The following ZNF461 variants were observed in gnomAD, a reference collection of about 807,000 sequenced individuals.
ZNF461 encodes gonadotropin-inducible ovarian transcription factor-1.
In ZNF461, 16 loss-of-function variants were observed where a neutral mutation model predicts 18.3. The ratio of observed to expected loss-of-function variants is 0.88; its 90% CI spans 0.59 to 1.33. ZNF461 has a LOEUF of 1.33. Ranked by LOEUF, ZNF461 falls within the 40% of genes most tolerant of loss-of-function variation. The probability of loss-of-function intolerance (pLI) is 0.00; values close to 1 mark genes in which losing one functional copy is unlikely to be tolerated. For missense variants in ZNF461, 595 were observed against 669.9 expected (o/e 0.89, Z 1.23); for synonymous variants, 179 against 216.9 (o/e 0.83, Z 1.54).
intron 3 of ZNF461, 21 bp downstream of exon 3, chr19:36,658,278 T>C: frequency 1.3e-6 from 2 of 1,593,640 alleles, no homozygotes; most frequent in Non-Finnish European, 8.5e-7. Context: ...TGTCAGGTTC[T>C]TAATTTTTAG....
intron 4 of ZNF461, 51 bp from the exon 5 acceptor site, chr19:36,643,913 A>G: frequency 1.5e-6 from 2 of 1,318,272 alleles, no homozygotes; most frequent in Non-Finnish European, 2.0e-6. Flanking sequence ...ATATTTTATT[A>G]TACAATAAAA....
Position 36,638,654 on chromosome 19 carries a change from CATG to C in ZNF461, c.1688_1690del (p.Ser563del), listed in dbSNP as rs2037342867. The C allele has an allele frequency of 1.9e-6, 3 of 1,581,836 alleles. No individual in the cohort carries two copies. Among genetic ancestry groups the C allele is most frequent in the Non-Finnish European group, 2.6e-6 (3 of 1,163,604 alleles). The stretch of plus-strand genomic sequence containing the variant: ...AATGTATATTTCCATCAACAAATTT[CATG>C]ATGCTAGACTAGGATGGGGAGGGAG... On this transcript the variant is annotated inframe_deletion, in exon 6 of 6. Transcript: ENST00000588268.
intron 1 of ZNF461, among the ~76,000 whole-genome samples, chr19:36,666,392 C>T (rs1291555241): frequency 2.0e-5 from 3 of 152,078 alleles, no homozygotes; most frequent in African/African-American, 7.2e-5. Context: ...CCGCTCCCGG[C>T]CTGTAAATGT....
In ZNF461 at chr19:36,642,763, G is replaced by T. The variant is rs531148893; in HGVS notation, c.301+1031C>A. 1.0e-4 allele frequency among the ~76,000 whole-genome samples: 15 copies of T among 150,558 alleles called. No individual in the cohort carries two copies. In the East Asian group the frequency reaches 2.4e-3, roughly 24 times the overall value. Reference sequence around the variant, plus strand: ...TGGTGTGTGTGTGTGTTTTTGGTGGGGGGGGGTGGGGCACAGAGTCTTGCT... The same window carrying T: ...TGGTGTGTGTGTGTGTTTTTGGTGGTGGGGGGTGGGGCACAGAGTCTTGCT... On this transcript the variant is annotated intron_variant, in intron 5 of 5. Coordinates refer to ENST00000588268, the MANE Select transcript of ZNF461 (RefSeq NM_153257.5).
At chr19:36,640,791 G>T (rs2037409921) in intron 5 of ZNF461, among the ~76,000 whole-genome samples, 1 of 152,094 alleles carries the variant, frequency 6.6e-6, no homozygotes. Flanking sequence ...TATAGACATT[G>T]TATCAAAAAA....
intron 4 of ZNF461, among the ~76,000 whole-genome samples, chr19:36,647,822 G>T (rs2037555213): frequency 6.6e-6 from 1 of 152,074 alleles, no homozygotes; most frequent in African/African-American, 2.4e-5. Flanking sequence ...TCTCATAAAT[G>T]GTTTAGCACC....
chr19:36,664,826 T>A, intron 1 of ZNF461, 40 bp from the exon 2 acceptor site: 3 of 699,882 alleles, frequency 4.3e-6, no homozygotes, highest in Non-Finnish European at 6.7e-6. Flanking sequence ...AGGAGATTAT[T>A]GCCTCTAAGC....
rs2145351043 is a variant in ZNF461 at position 36,637,219 on chromosome 19, CAG to C, written c.*1432_*1433del. The C allele has an allele frequency of 6.6e-6, 1 of 150,512 alleles. No homozygotes were observed. The highest frequency in any genetic ancestry group is 1.5e-5 in the Non-Finnish European group (1 of 67,748). The allele number at this position is 150,512 out of a possible 1,614,324, so 9.3% of individuals were successfully genotyped here. A position where few individuals can be genotyped will look rare whatever the true frequency, so the allele number is the denominator to read the frequency against. ...TTCTTTTTTTTTTTTCTTTTTGAGA[CAG>C]AGTCTCACTGTGTTGCCCACGCTGG... is the stretch of plus-strand genomic sequence containing the variant. On this transcript the variant is annotated 3_prime_UTR_variant, in exon 6 of 6. Transcript: ENST00000588268.
rs372163679 is a variant in ZNF461, at chr19:36,639,883, ATGT to A, written c.459_461del (p.Gln153del). 791 of 1,613,866 alleles carry A rather than the reference ATGT, an allele frequency of 4.9e-4. 3 individuals are homozygous for A. The African/African-American group carries it at 9.0e-3, about 18-fold the overall frequency. On this transcript the variant is annotated inframe_deletion, in exon 6 of 6. Coordinates refer to ENST00000588268, the MANE Select transcript of ZNF461 (RefSeq NM_153257.5). ...TAAAATAACCCTCCTCTTGTCCCTG[ATGT>A]TGCTCAAAATGACAGTTGCCTTCCC...
intron 2 of ZNF461, among the ~76,000 whole-genome samples, chr19:36,659,617 G>T (rs1363480717): frequency 6.6e-6 from 1 of 152,070 alleles, no homozygotes; most frequent in African/African-American, 2.4e-5. Flanking sequence ...TCTTAAACTT[G>T]AATCTCTGGA....
intron 2 of ZNF461, among the ~76,000 whole-genome samples, chr19:36,662,904 A>T (rs182029120): frequency 5.9e-5 from 9 of 152,236 alleles, no homozygotes; most frequent in African/African-American, 2.2e-4. Context: ...TATAGATCTG[A>T]TACAGTATGT....
Position 36,637,229 on chromosome 19 carries a change from C to T in ZNF461, c.*1424G>A, listed in dbSNP as rs1340638028. 1 of 151,470 alleles carries T rather than the reference C, an allele frequency of 6.6e-6. No individual in the cohort carries two copies. The highest frequency in any genetic ancestry group is 1.5e-5 in the Non-Finnish European group (1 of 67,976). 9.4% of individuals were successfully genotyped at this position (151,470 alleles called of 1,614,324 possible). A position where few individuals can be genotyped will look rare whatever the true frequency, so the allele number is the denominator to read the frequency against. ...TTTTTCTTTTTGAGACAGAGTCTCA[C>T]TGTGTTGCCCACGCTGGAGTGCAGT... On this transcript the variant is annotated 3_prime_UTR_variant, in exon 6 of 6. Coordinates refer to ENST00000588268, the MANE Select transcript of ZNF461 (RefSeq NM_153257.5).
intron 4 of ZNF461, chr19:36,645,157 G>C (rs7259195): frequency 0.66 from 100,298 of 152,188 alleles, 33,322 homozygotes; most frequent in East Asian, 0.8. Flanking sequence ...GAGCCTGAGA[G>C]GTCCAGGCTG....
At chr19:36,664,629 C>CA (rs951922467) in intron 2 of ZNF461, 69 bp downstream of exon 2, 385 of 1,284,832 alleles carry the variant, frequency 3.0e-4, no homozygotes, top group African/African-American at 1.1e-3. Flanking sequence ...ATGCCCTATA[C>CA]AAAAAAAACA....
Position 36,658,324 on chromosome 19 carries a change from C to A in ZNF461, c.111G>T (p.Glu37Asp). 1 of 1,609,966 alleles carries A rather than the reference C, an allele frequency of 6.2e-7. No individual in the cohort carries two copies. Among genetic ancestry groups the A allele is most frequent in the Non-Finnish European group, 8.5e-7 (1 of 1,177,828 alleles). The change falls in exon 3 of 6, where the codon GAG becomes GAT. Residue 37 changes from glutamate to aspartate, a missense_variant. Physicochemically the swap from Glu to Asp is conservative, Grantham distance 45. Transcript: ENST00000588268. ...QRNLYKEVML[E>D]NYSNLVSLGL... ...CAAGTGACACCAAGTTGCTATAATT[C>A]TCCAACATCACCTCCTTGTACAAAT...
rs757769593 is a variant in ZNF461 at position 36,658,440 on chromosome 19, A to G, written c.10-15T>C. On this transcript the variant is annotated splice_polypyrimidine_tract_variant and intron_variant, in intron 2 of 5. Transcript: ENST00000588268. ...ATCACCAACTCCTAAAATGACAAATAATAGTACTATTTTTGAAATTATAAG... is the reference window on the plus strand; with the variant it reads ...ATCACCAACTCCTAAAATGACAAATGATAGTACTATTTTTGAAATTATAAG... 6 of 1,583,404 alleles carry G rather than the reference A, an allele frequency of 3.8e-6. No individual in the cohort carries two copies. The South Asian group carries it at 7.1e-5, about 19-fold the overall frequency.
At chr19:36,641,648 C>T (rs576118822) in intron 5 of ZNF461, among the ~76,000 whole-genome samples, 7 of 151,190 alleles carry the variant, frequency 4.6e-5, no homozygotes, top group African/African-American at 1.7e-4. Context: ...ATTCAATAAT[C>T]AGTTGCTGAA....
At chr19:36,653,459 A>G (rs1056216124) in intron 4 of ZNF461, among the ~76,000 whole-genome samples, 1 of 152,182 alleles carries the variant, frequency 6.6e-6, no homozygotes, top group African/African-American at 2.4e-5. Flanking sequence ...GTCTGCTCTC[A>G]TGCTGCTGAT....
rs202170983 is a variant in ZNF461, at chr19:36,664,349, A to T, written c.9+349T>A. 2.0e-4 allele frequency among the ~76,000 whole-genome samples: 31 copies of T among 152,294 alleles called. No homozygotes were observed. In the East Asian group the frequency reaches 6.0e-3, roughly 29 times the overall value. The stretch of plus-strand genomic sequence containing the variant: ...ATGCCTGTAATCCCAGCACTTCGGG[A>T]AGCTCAGATGGGCAGATCACTTGAG... On this transcript the variant is annotated intron_variant, in intron 2 of 5. Transcript: ENST00000588268.
Sources: allele counts gnomAD v4.1 joint callset (sites outside exome capture counted in the v4.1 genomes callset), GRCh38; gene constraint gnomAD v4.1.1; transcripts MANE v1.5; gene names NCBI Gene and HGNC (gene_info 2026-07-23, HGNC 2026-07-21).